Variants in SASH1 observed in about 807,000 individuals in gnomAD.
SASH1 encodes SAM and SH3 domain containing 1.
Under a neutral mutation model 125.2 loss-of-function variants are expected in SASH1, and 44 were observed. That is an observed-to-expected ratio of 0.35 (90% confidence interval 0.28 to 0.45). SASH1 has a LOEUF of 0.45. SASH1 is among the 20% of genes least tolerant of loss of function. SASH1 has a pLI of 1.00. For missense variants in SASH1, 1,426 were observed against 1,614.5 expected, an observed-to-expected ratio of 0.88 and a Z score of 2.00; for synonymous variants, 639 against 649.1, an observed-to-expected ratio of 0.98 and a Z score of 0.24.
intron 2 of SASH1, among the ~76,000 whole-genome samples, chr6:148,412,263 T>G (rs1334517654): frequency 6.6e-6 from 1 of 152,228 alleles, no homozygotes; most frequent in Non-Finnish European, 1.5e-5. Flanking sequence ...TATTTAGCAC[T>G]TAGTGTTTGT....
the SASH1 span, among the ~76,000 whole-genome samples, chr6:148,254,828 A>T: frequency 6.6e-6 from 1 of 152,222 alleles, no homozygotes; most frequent in African/African-American, 2.4e-5. Flanking sequence ...CAGAGTTTTC[A>T]TGTGATCTAG....
At chr6:148,434,824 G>A (rs1776226735) in intron 2 of SASH1, among the ~76,000 whole-genome samples, 1 of 152,088 alleles carries the variant, frequency 6.6e-6, no homozygotes, top group Non-Finnish European at 1.5e-5. Context: ...GCTCTCCCAG[G>A]TCATTCTGAG....
intron 16 of SASH1, among the ~76,000 whole-genome samples, chr6:148,536,281 A>G (rs1410584259): frequency 1.3e-5 from 2 of 152,280 alleles, no homozygotes; most frequent in African/African-American, 4.8e-5. Context: ...GCCCAGAAAC[A>G]GCTCACTTGC....
intron 8 of SASH1, chr6:148,512,949 C>G: frequency 1.0e-6 from 1 of 985,390 alleles, no homozygotes. Flanking sequence ...GCCTTGAGTT[C>G]CAGGGTGAGG....
At chr6:148,528,349 A>C (rs1781314391) in intron 12 of SASH1, among the ~76,000 whole-genome samples, 1 of 152,144 alleles carries the variant, frequency 6.6e-6, no homozygotes, top group African/African-American at 2.4e-5. Flanking sequence ...TAGCCTGTTG[A>C]AGTTCCTGTG....
intron 1 of SASH1, among the ~76,000 whole-genome samples, chr6:148,322,886 TTTC>T (rs200121897): frequency 0.11 from 12,570 of 114,576 alleles, 1,253 homozygotes; most frequent in East Asian, 0.32. Flanking sequence ...TTTCTTTCTT[TTTC>T]TTCTTTCTTT....
chr6:148,470,179 G>A (rs986788468), intron 5 of SASH1, among the ~76,000 whole-genome samples: 1 of 152,248 alleles, frequency 6.6e-6, no homozygotes, highest in Non-Finnish European at 1.5e-5. Flanking sequence ...CCCAAAGGCA[G>A]TGGGTGATAC....
At chr6:148,360,954 C>T (rs1272386010) in intron 1 of SASH1, among the ~76,000 whole-genome samples, 1 of 152,078 alleles carries the variant, frequency 6.6e-6, no homozygotes, top group Non-Finnish European at 1.5e-5. Flanking sequence ...AAGTTGAGGT[C>T]ATTAGGGTGG....
the SASH1 span, among the ~76,000 whole-genome samples, chr6:148,206,831 AAATT>A: frequency 2.6e-5 from 4 of 151,316 alleles, no homozygotes; most frequent in Admixed American, 6.6e-5. Flanking sequence ...ACACACACAC[AAATT>A]AACATAAATA....
the SASH1 span, among the ~76,000 whole-genome samples, chr6:148,263,974 T>A: frequency 6.6e-6 from 1 of 152,114 alleles, no homozygotes; most frequent in African/African-American, 2.4e-5. Flanking sequence ...TGTACGACAA[T>A]CATTTATCCT....
intron 2 of SASH1, among the ~76,000 whole-genome samples, chr6:148,418,003 T>C (rs974631470): frequency 1.3e-5 from 2 of 152,188 alleles, no homozygotes; most frequent in Admixed American, 6.5e-5. Flanking sequence ...TAGGTGGAGA[T>C]GTTGTGATTG....
Position 148,544,064 on chromosome 6 carries a change from T to C in SASH1, c.2594T>C (p.Val865Ala). The C allele has an allele frequency of 6.2e-7, 1 of 1,614,058 alleles. No individual in the cohort carries two copies. Among genetic ancestry groups the C allele is most frequent in the Non-Finnish European group, 8.5e-7 (1 of 1,180,006 alleles). ...GTGACAGAACCGCCCCCTCAGATTG[T>C]ACCTGAAGTGCCACAGAAGACGACC... is the stretch of plus-strand genomic sequence containing the variant. ...TEVTEPPPQIVPEVPQKTTAS... is the reference protein window; with the variant it reads ...TEVTEPPPQIAPEVPQKTTAS... The change falls in exon 18 of 20, where the codon GTA (valine) becomes GCA (alanine). Residue 865 changes from valine (V) to alanine (A), a missense_variant. Transcript: ENST00000367467. The surrounding 1 kb of genome is among the most constrained non-coding windows in gnomAD (Gnocchi z 6.4).
At chr6:148,348,953 C>G (rs570622798) in intron 1 of SASH1, among the ~76,000 whole-genome samples, 1 of 152,226 alleles carries the variant, frequency 6.6e-6, no homozygotes, top group Non-Finnish European at 1.5e-5. Flanking sequence ...GATCAGCAAC[C>G]CAGGAGCGTC....
At chr6:148,300,224 TGCTAATACTCATTTTCATA>T (rs1355520665) in intron 1 of SASH1, among the ~76,000 whole-genome samples, 1 of 152,182 alleles carries the variant, frequency 6.6e-6, no homozygotes, top group Non-Finnish European at 1.5e-5. Context: ...GATGATTTTA[TGCTAATACTCATTTTCATA>T]GCCTCTATTG....
intron 16 of SASH1, among the ~76,000 whole-genome samples, chr6:148,537,347 T>TA (rs2115426462): frequency 6.6e-6 from 1 of 152,354 alleles, no homozygotes; most frequent in Admixed American, 6.5e-5. Context: ...AGATGGCTAT[T>TA]CCTTACGCCA....
intron 2 of SASH1, among the ~76,000 whole-genome samples, chr6:148,410,166 A>T (rs561633933): frequency 8.7e-6 from 1 of 114,476 alleles, no homozygotes; most frequent in South Asian, 3.2e-4. Flanking sequence ...GCTGGAGTGC[A>T]GTGGCGCGAT....
intron 2 of SASH1, chr6:148,393,655 A>G: frequency 2.1e-6 from 2 of 973,040 alleles, no homozygotes; most frequent in Middle Eastern, 5.3e-4. Flanking sequence ...CCTCCTTCTC[A>G]TTCAAACAGA....
rs371487493 is a variant in SASH1 at position 148,377,195 on chromosome 6, C to CA, written c.157-12929dup. ...AAAAAAAAAAAAAACAAAAAAAAAA[C>CA]AAAAAAAAAACAAAACAAACAAACA... is the stretch of plus-strand genomic sequence containing the variant. On this transcript the variant is annotated intron_variant, in intron 1 of 19. Coordinates refer to ENST00000367467, the MANE Select transcript of SASH1 (RefSeq NM_015278.5). 2.4e-3 allele frequency among the ~76,000 whole-genome samples: 297 copies of CA among 121,824 alleles called. 3 individuals are homozygous for CA. Among genetic ancestry groups the CA allele is most frequent in the Middle Eastern group, 8.5e-3 (2 of 236 alleles). The allele number at this position is 121,824 out of a possible 152,430, so 79.9% of individuals were successfully genotyped here. A position where few individuals can be genotyped will look rare whatever the true frequency, so the allele number is the denominator to read the frequency against.
At chr6:148,531,883 G>A (rs967148043) in intron 13 of SASH1, among the ~76,000 whole-genome samples, 65 of 151,870 alleles carry the variant, frequency 4.3e-4, no homozygotes, top group African/African-American at 1.5e-3. Context: ...AATTTTGATC[G>A]GAGACAATAG....
Sources: allele counts gnomAD v4.1 joint callset (sites outside exome capture counted in the v4.1 genomes callset), GRCh38; gene constraint gnomAD v4.1.1; non-coding constraint Gnocchi (gnomAD v3.1); transcripts MANE v1.5; gene names NCBI Gene and HGNC (gene_info 2026-07-23, HGNC 2026-07-21).